ZBTB11: variants seen among roughly 807,000 people sequenced by gnomAD.
ZBTB11 encodes the protein zinc finger and BTB domain containing 11.
A neutral mutation model predicts 113.1 loss-of-function variants in ZBTB11; 68 were observed. The ratio of observed to expected loss-of-function variants is 0.60; its 90% CI spans 0.49 to 0.74. ZBTB11 has a LOEUF of 0.74. Among genes scored for constraint, ZBTB11 ranks in the 30% least tolerant of loss-of-function variants. The pLI is 0.00. For synonymous variants in ZBTB11, 518 were observed against 452.6 expected, an observed-to-expected ratio of 1.14 and a Z score of -1.83; for missense variants, 1,104 against 1,279.4, an observed-to-expected ratio of 0.86 and a Z score of 2.09.
At position 101,665,404 on chromosome 3, in the gene ZBTB11, C is replaced by A; in HGVS notation, c.1183G>T (p.Ala395Ser). Reference protein sequence around the residue: ...EPQVSSEAESALSSVGCIADS... With the variant: ...EPQVSSEAESSLSSVGCIADS... Reference sequence around the variant, plus strand: ...GCTATACATCCTACTGATGACAGGGCAGATTCAGCCTCTGAAGAAACCTGG... The same window carrying A: ...GCTATACATCCTACTGATGACAGGGAAGATTCAGCCTCTGAAGAAACCTGG... The change falls in exon 4 of 11, where the codon GCC becomes TCC. Residue 395 changes from alanine to serine, a missense_variant. By Grantham distance (99) the Ala-to-Ser change is moderately conservative. This residue lies in a region of ZBTB11 where 535 missense variants were observed against 518.6 expected (regional missense o/e 1.03). Coordinates refer to ENST00000312938, the MANE Select transcript of ZBTB11 (RefSeq NM_014415.4). The A allele has an allele frequency of 6.2e-7, 1 of 1,614,184 alleles. No individual in the cohort carries two copies. The highest frequency in any genetic ancestry group is 8.5e-7 in the Non-Finnish European group (1 of 1,180,030).
chr3:101,672,151 G>A lies in ZBTB11; in HGVS notation c.373C>T (p.Arg125Ter). 3.1e-6 allele frequency: 5 copies of A among 1,614,116 alleles called. No individual in the cohort carries two copies. Among genetic ancestry groups the A allele is most frequent in the Non-Finnish European group, 4.2e-6 (5 of 1,180,018 alleles). Residue 125 changes from arginine (R) to a stop codon, truncating the protein, a stop_gained, in exon 2 of 11, where the codon CGA becomes TGA. Coordinates refer to ENST00000312938, the MANE Select transcript of ZBTB11 (RefSeq NM_014415.4). LOFTEE classifies it high-confidence loss of function. ...GAAACATCTGATATTGGACGGGATC[G>A]ATCTAGTTTCTCCTGGCATTTGCTA... ...QCSKCQEKLD[R>*]SRPISDVSEM...
At position 101,672,077 on chromosome 3, in the gene ZBTB11, A is replaced by C. The variant is rs752864893; in HGVS notation, c.447T>G (p.Ser149Arg). Residue 149 changes from serine (S) to arginine (R), a missense_variant, in exon 2 of 11, where the codon AGT becomes AGG. By Grantham distance (110) the Ser-to-Arg change is moderately radical. Coordinates refer to ENST00000312938, the MANE Select transcript of ZBTB11 (RefSeq NM_014415.4). ...TGCTCAGGTCATCTTCCGATTCATTACTTTCTTCTCCAGATTCAAGGTCTA... is the reference window on the plus strand; with the variant it reads ...TGCTCAGGTCATCTTCCGATTCATTCCTTTCTTCTCCAGATTCAAGGTCTA... ...LGLDLESGEESNESEDDLSNF... is the reference protein window; with the variant it reads ...LGLDLESGEERNESEDDLSNF... 1 of 1,614,166 alleles carries C rather than the reference A, an allele frequency of 6.2e-7. No individual in the cohort carries two copies. Among genetic ancestry groups the C allele is most frequent in the South Asian group, 1.1e-5 (1 of 91,086 alleles).
chr3:101,671,735 A>C (rs1049993847), intron 2 of ZBTB11: 2 of 597,444 alleles, frequency 3.3e-6, no homozygotes, highest in African/African-American at 3.7e-5. Context: ...ATATATCATC[A>C]CAAAAGAAGG....
rs1327251688 is a variant in ZBTB11, at chr3:101,652,890, G to C, written c.2358C>G (p.Asn786Lys). 6.2e-7 allele frequency: 1 copy of C among 1,613,728 alleles called. No homozygotes were observed. Among genetic ancestry groups the C allele is most frequent in the Admixed American group, 1.7e-5 (1 of 59,836 alleles). ...FEARDLRQHM[N>K]KHLGVKPFQC... The stretch of plus-strand genomic sequence containing the variant: ...GGAATGGCTTCACACCAAGATGTTT[G>C]TTCATGTGCTGGCGAAGATCTCTAG... Residue 786 changes from asparagine (N) to lysine (K), a missense_variant, in exon 9 of 11, where the codon AAC (asparagine) becomes AAG (lysine). Physicochemically the swap from Asn to Lys is moderately conservative, Grantham distance 94. Transcript: ENST00000312938.
At chr3:101,658,479 C>T (rs1169111813) in intron 6 of ZBTB11, among the ~76,000 whole-genome samples, 1 of 152,072 alleles carries the variant, frequency 6.6e-6, no homozygotes, top group Non-Finnish European at 1.5e-5. Context: ...GCCTCGGCCT[C>T]CCAAAGTGCT....
rs1243386006 is a variant in ZBTB11, at chr3:101,672,187, T to C, written c.337A>G (p.Ile113Val). 1.2e-6 allele frequency: 2 copies of C among 1,608,590 alleles called. No homozygotes were observed. Among genetic ancestry groups the C allele is most frequent in the Non-Finnish European group, 1.7e-6 (2 of 1,177,752 alleles). The change falls in exon 2 of 11, where the codon ATT (isoleucine) becomes GTT (valine). Residue 113 changes from isoleucine (I) to valine (V), a missense_variant. Physicochemically the swap from Ile to Val is conservative, Grantham distance 29 (BLOSUM62 3). Transcript: ENST00000312938. ...RGILKQVKDY[I>V]KQCSKCQEKL... ...TCCTGGCATTTGCTACACTGTTTAA[T>C]GTAATCTTTGACTTGCTTCAATATA...
intron 3 of ZBTB11, chr3:101,670,760 A>G (rs191639718): frequency 1.1e-5 from 2 of 183,660 alleles, no homozygotes; most frequent in African/African-American, 4.7e-5. Context: ...CCTCCCAAGT[A>G]GGTGGGACTA....
At chr3:101,671,741 G>C (rs1937089363) in intron 2 of ZBTB11, 1 of 598,080 alleles carries the variant, frequency 1.7e-6, no homozygotes, top group Non-Finnish European at 3.0e-6. Context: ...CATCACAAAA[G>C]AAGGGAGGGA....
rs1481689843 is a variant in ZBTB11 at position 101,649,337 on chromosome 3, T to C, written c.*1829A>G. On this transcript the variant is annotated 3_prime_UTR_variant, in exon 11 of 11. Coordinates refer to ENST00000312938, the MANE Select transcript of ZBTB11 (RefSeq NM_014415.4). ...TTGTGTTCCTCCAATCGTTATTTTT[T>C]AGTGTTTTATTTCCTTTCCCTTTAA... The C allele has an allele frequency of 6.6e-6, 1 of 152,254 alleles. No homozygotes were observed. The highest frequency in any genetic ancestry group is 6.5e-5 in the Admixed American group (1 of 15,286). The allele number at this position is 152,254 out of a possible 1,614,324, so 9.4% of individuals were successfully genotyped here. A position where few individuals can be genotyped will look rare whatever the true frequency, so the allele number is the denominator to read the frequency against.
At position 101,651,686 on chromosome 3, in the gene ZBTB11, A is replaced by T. The variant is rs775063974; in HGVS notation, c.2645-3T>A. ...TAAGCACTCAAATGGCTTAACTCCT[A>T]AAAAAAAAAAAAAAAAAGCATGTGT... On this transcript the variant is annotated splice_region_variant and splice_polypyrimidine_tract_variant and intron_variant, in intron 10 of 10. Coordinates refer to ENST00000312938, the MANE Select transcript of ZBTB11 (RefSeq NM_014415.4). 3.5e-4 allele frequency: 23 copies of T among 66,288 alleles called. No homozygotes were observed. Among genetic ancestry groups the T allele is most frequent in the African/African-American group, 1.4e-3 (17 of 11,988 alleles). 4.1% of individuals were successfully genotyped at this position (66,288 alleles called of 1,614,324 possible).
chr3:101,656,559 T>C (rs1257506528), intron 6 of ZBTB11, among the ~76,000 whole-genome samples: 2 of 152,134 alleles, frequency 1.3e-5, no homozygotes, highest in African/African-American at 2.4e-5. Flanking sequence ...TTAAGAGACA[T>C]GGAAGTTTAA....
At chr3:101,665,933 T>C (rs1936989574) in intron 3 of ZBTB11, 125 bp from the exon 4 acceptor site, 2 of 991,858 alleles carry the variant, frequency 2.0e-6, no homozygotes, top group Non-Finnish European at 2.9e-6. Context: ...TAATCATCCC[T>C]GGATTTGCAT....
At chr3:101,674,498 C>G (rs947554779) in intron 1 of ZBTB11, among the ~76,000 whole-genome samples, 7 of 151,962 alleles carry the variant, frequency 4.6e-5, no homozygotes, top group African/African-American at 1.7e-4. Flanking sequence ...ATCATCTGAG[C>G]TCAGGAGTTC....
intron 2 of ZBTB11, 87 bp downstream of exon 2, chr3:101,671,891 A>G: frequency 1.0e-6 from 1 of 984,926 alleles, no homozygotes; most frequent in Non-Finnish European, 1.6e-6. Flanking sequence ...AAGCAGTCTT[A>G]GTGGTTTGAG....
At position 101,672,151 on chromosome 3, in the gene ZBTB11, G is replaced by C; in HGVS notation, c.373C>G (p.Arg125Gly). 6.2e-7 allele frequency: 1 copy of C among 1,614,116 alleles called. No homozygotes were observed. The highest frequency in any genetic ancestry group is 8.5e-7 in the Non-Finnish European group (1 of 1,180,018). ...GAAACATCTGATATTGGACGGGATC[G>C]ATCTAGTTTCTCCTGGCATTTGCTA... ...QCSKCQEKLD[R>G]SRPISDVSEM... The change falls in exon 2 of 11, where the codon CGA (arginine) becomes GGA (glycine). Residue 125 changes from arginine to glycine, a missense_variant. Transcript: ENST00000312938.
At position 101,661,245 on chromosome 3, in the gene ZBTB11, A is replaced by C. The variant is rs981346895; in HGVS notation, c.1801-1217T>G. Reference sequence around the variant, plus strand: ...CAAGACCCTGTCTCAAAAAAAAAAAAAAAAAAAAATCATTATGTCCTGGGC... The same window carrying C: ...CAAGACCCTGTCTCAAAAAAAAAAACAAAAAAAAATCATTATGTCCTGGGC... On this transcript the variant is annotated intron_variant, in intron 5 of 10. Transcript: ENST00000312938. 6.7e-3 allele frequency among the ~76,000 whole-genome samples: 1,016 copies of C among 151,720 alleles called. 18 individuals carry two copies. Among genetic ancestry groups the C allele is most frequent in the African/African-American group, 0.023 (972 of 41,372 alleles).
At chr3:101,656,048 G>A in intron 7 of ZBTB11, 56 bp downstream of exon 7, 3 of 1,241,470 alleles carry the variant, frequency 2.4e-6, no homozygotes, top group Non-Finnish European at 3.2e-6. Context: ...TATAATTAAA[G>A]CATAATCATT....
chr3:101,653,172 A>G (rs1401367104), intron 8 of ZBTB11, among the ~76,000 whole-genome samples: 2 of 152,214 alleles, frequency 1.3e-5, no homozygotes, highest in African/African-American at 2.4e-5. Context: ...GTTATTACAG[A>G]GGAAATTTAC....
chr3:101,663,513 G>C (rs1364144649), intron 5 of ZBTB11, among the ~76,000 whole-genome samples: 1 of 152,210 alleles, frequency 6.6e-6, no homozygotes, highest in African/African-American at 2.4e-5. Flanking sequence ...GCTTTTGTCA[G>C]TAGCTGTCTT....
Sources: gnomAD v4.1 joint callset for allele counts (sites outside exome capture counted in the v4.1 genomes callset) on GRCh38, gnomAD v4.1.1 for gene constraint, gnomAD v4.1.1 regional missense constraint, MANE v1.5 for transcripts, NCBI Gene and HGNC (gene_info 2026-07-23, HGNC 2026-07-21) for gene names.